Variants in TYW1B observed in about 807,000 individuals in gnomAD.
TYW1B encodes the protein S-adenosyl-L-methionine-dependent tRNA 4-demethylwyosine synthase TYW1B.
In TYW1B, 73 loss-of-function variants were observed where a neutral mutation model predicts 86.9. That is an observed-to-expected ratio of 0.84 (90% CI 0.70 to 1.02). The LOEUF is 1.02. Among genes scored for constraint, TYW1B ranks in the 50% least tolerant of loss-of-function variants. The pLI is 0.00. For synonymous variants in TYW1B, 248 were observed against 292.8 expected (o/e 0.85, Z 1.56); for missense variants, 637 against 827.4 (o/e 0.77, Z 2.82).
At chr7:72,825,784 G>T (rs1788919590) in intron 2 of TYW1B, among the ~76,000 whole-genome samples, 1 of 152,144 alleles carries the variant, frequency 6.6e-6, no homozygotes, top group South Asian at 2.1e-4. Flanking sequence ...CCATACCCAT[G>T]GGCATCGATA....
chr7:72,685,354 G>A (rs1813985350), intron 11 of TYW1B, among the ~76,000 whole-genome samples: 1 of 151,926 alleles, frequency 6.6e-6, no homozygotes, highest in African/African-American at 2.4e-5. Flanking sequence ...TACAAAAATA[G>A]AAACAAAGAA....
intron 13 of TYW1B, among the ~76,000 whole-genome samples, chr7:72,614,629 T>C (rs1364254681): frequency 2.2e-5 from 3 of 138,426 alleles, no homozygotes; most frequent in African/African-American, 8.0e-5. Flanking sequence ...CAAGACTCCA[T>C]CTTAAAAAAA....
chr7:72,820,383 T>G (rs1554480259), intron 2 of TYW1B, among the ~76,000 whole-genome samples: 1 of 152,140 alleles, frequency 6.6e-6, no homozygotes, highest in Non-Finnish European at 1.5e-5. Flanking sequence ...CTAAGGGAAT[T>G]TATTACAACC....
chr7:72,784,452 G>A (rs1554472115), intron 6 of TYW1B, among the ~76,000 whole-genome samples: 1 of 152,212 alleles, frequency 6.6e-6, no homozygotes, highest in Non-Finnish European at 1.5e-5. Context: ...AGGTCACTGT[G>A]AGGATTGAGT....
At chr7:72,654,811 G>A (rs1473602185) in intron 11 of TYW1B, among the ~76,000 whole-genome samples, 6 of 152,150 alleles carry the variant, frequency 3.9e-5, no homozygotes, top group African/African-American at 1.4e-4. Context: ...AACCCAGGAG[G>A]CAGAGGTTGC....
At chr7:72,604,777 C>T (rs1811755974) in intron 13 of TYW1B, among the ~76,000 whole-genome samples, 1 of 152,182 alleles carries the variant, frequency 6.6e-6, no homozygotes, top group Non-Finnish European at 1.5e-5. Flanking sequence ...AGCACAGAGG[C>T]CCACCCTCCC....
intron 11 of TYW1B, among the ~76,000 whole-genome samples, chr7:72,673,682 T>C (rs149302413): frequency 0.061 from 9,263 of 151,418 alleles, 590 homozygotes; most frequent in East Asian, 0.33. Context: ...ACCTAGTCTT[T>C]GATAGCACAA....
rs529042342 is a variant in TYW1B, at chr7:72,681,452, C to G, written c.1506+13235G>C. Among the ~76,000 whole-genome samples the G allele has an allele frequency of 1.7e-4, 26 of 152,126 alleles. 1 individual carries two copies. In the East Asian group the frequency reaches 4.8e-3, roughly 28 times the overall value. ...CACAAGTACCCTTCACCCAGAAGTG[C>G]CCAATGCAGACTGTGGGAGGGGAGG... On this transcript the variant is annotated intron_variant, in intron 11 of 13. Coordinates refer to ENST00000620995, the MANE Select transcript of TYW1B (RefSeq NM_001145440.3).
intron 5 of TYW1B, 33 bp downstream of exon 5, chr7:72,807,033 A>G: frequency 6.3e-7 from 1 of 1,596,754 alleles, no homozygotes; most frequent in Non-Finnish European, 8.6e-7. Flanking sequence ...CAGAGGGGGA[A>G]AGCATCAAGA....
intron 6 of TYW1B, among the ~76,000 whole-genome samples, chr7:72,783,397 A>AG (rs1215413730): frequency 2.0e-5 from 3 of 151,590 alleles, no homozygotes; most frequent in African/African-American, 7.3e-5. Flanking sequence ...AAAAAAAAAA[A>AG]AAAGAAACTT....
chr7:72,823,364 G>C (rs1788867613), intron 2 of TYW1B, among the ~76,000 whole-genome samples: 1 of 151,718 alleles, frequency 6.6e-6, no homozygotes, highest in South Asian at 2.1e-4. Context: ...GCTCACGCCT[G>C]TAATCCCAAC....
At chr7:72,827,330 C>T (rs1180769099) in intron 1 of TYW1B, among the ~76,000 whole-genome samples, 1 of 152,166 alleles carries the variant, frequency 6.6e-6, no homozygotes, top group African/African-American at 2.4e-5. Context: ...ACTGCTTGCA[C>T]CTGGGAGGCA....
chr7:72,710,823 A>T (rs1230459219), intron 10 of TYW1B, among the ~76,000 whole-genome samples: 2 of 152,112 alleles, frequency 1.3e-5, no homozygotes, highest in Non-Finnish European at 2.9e-5. Flanking sequence ...TAAATAAACA[A>T]ATATTTCAAG....
At chr7:72,814,675 T>C (rs1356183846) in intron 3 of TYW1B, among the ~76,000 whole-genome samples, 3 of 151,408 alleles carry the variant, frequency 2.0e-5, no homozygotes, top group South Asian at 4.2e-4. Context: ...GGAAAGAGGA[T>C]CACTTGAGCC....
intron 11 of TYW1B, among the ~76,000 whole-genome samples, chr7:72,694,028 T>G (rs1325177472): frequency 5.9e-5 from 9 of 152,272 alleles, no homozygotes; most frequent in African/African-American, 2.2e-4. Context: ...TGGCATGATC[T>G]TGGCTCACTG....
rs556260521 is a variant in TYW1B at position 72,731,085 on chromosome 7, A to C, written c.1083-2154T>G. Among the ~76,000 whole-genome samples the C allele has an allele frequency of 2.0e-5, 3 of 149,144 alleles. No homozygotes were observed. In the South Asian group the frequency reaches 6.4e-4, roughly 32 times the overall value. ...CAGCAGATTTCTCAGCAGAAACCTC[A>C]CAGGCCAGGAGAGAATGGGATGATA... On this transcript the variant is annotated intron_variant, in intron 8 of 13. Coordinates refer to ENST00000620995, the MANE Select transcript of TYW1B (RefSeq NM_001145440.3).
At chr7:72,770,871 G>A (rs529079920) in intron 7 of TYW1B, among the ~76,000 whole-genome samples, 214 of 151,478 alleles carry the variant, frequency 1.4e-3, no homozygotes, top group African/African-American at 3.2e-3. Flanking sequence ...GATATGACAC[G>A]GATGCATCTC....
chr7:72,746,669 G>A (rs1481892979), intron 7 of TYW1B, among the ~76,000 whole-genome samples: 2 of 152,118 alleles, frequency 1.3e-5, no homozygotes, highest in Admixed American at 1.3e-4. Context: ...GTCCTTATAA[G>A]AACAGGAAGA....
At chr7:72,592,913 T>C (rs185401397) in intron 13 of TYW1B, among the ~76,000 whole-genome samples, 2 of 152,314 alleles carry the variant, frequency 1.3e-5, no homozygotes, top group African/African-American at 2.4e-5. Context: ...ACTGATATAA[T>C]TGAAAGGAGA....
Sources: allele counts gnomAD v4.1 joint callset (sites outside exome capture counted in the v4.1 genomes callset), GRCh38; gene constraint gnomAD v4.1.1; transcripts MANE v1.5; gene names NCBI Gene and HGNC (gene_info 2026-07-23, HGNC 2026-07-21).